MEGF11: variants seen among roughly 807,000 people sequenced by gnomAD.
MEGF11 encodes multiple EGF like domains 11.
Under a neutral mutation model 146.6 loss-of-function variants are expected in MEGF11, and 126 were observed. That is an observed-to-expected ratio of 0.86 (90% confidence interval 0.74 to 1.00). The LOEUF is 1.00. Ranked by LOEUF, MEGF11 falls within the 50% of genes least tolerant of loss-of-function variation. MEGF11 has a pLI of 0.00. For synonymous variants in MEGF11, 532 were observed against 583.4 expected (o/e 0.91, Z 1.27); for missense variants, 1,509 against 1,521.2 (o/e 0.99, Z 0.13).
At chr15:66,155,452 G>C (rs1222255441) in intron 1 of MEGF11, among the ~76,000 whole-genome samples, 2 of 152,118 alleles carry the variant, frequency 1.3e-5, no homozygotes, top group African/African-American at 4.8e-5. Context: ...AGAGGTGAAG[G>C]GCTCAGGTAG....
intron 1 of MEGF11, among the ~76,000 whole-genome samples, chr15:66,134,744 G>A (rs916791595): frequency 1.3e-5 from 2 of 152,276 alleles, no homozygotes; most frequent in African/African-American, 4.8e-5. Flanking sequence ...GAGCCCTCGA[G>A]AATCCCTGGA....
chr15:66,250,607 G>T (rs79430824), intron 1 of MEGF11, among the ~76,000 whole-genome samples: 3,799 of 152,298 alleles, frequency 0.025, 86 homozygotes, highest in Non-Finnish European at 0.04. Flanking sequence ...TAGAAGTTAT[G>T]GTTGGGAAGA....
chr15:65,965,545 A>G (rs1210023054), intron 8 of MEGF11, among the ~76,000 whole-genome samples: 5 of 140,758 alleles, frequency 3.6e-5, no homozygotes, highest in African/African-American at 1.3e-4. Flanking sequence ...CTTTCATAAA[A>G]GGGGCTGGAG....
At chr15:66,250,297 A>AC (rs1207770123) in intron 1 of MEGF11, among the ~76,000 whole-genome samples, 1 of 152,206 alleles carries the variant, frequency 6.6e-6, no homozygotes, top group Non-Finnish European at 1.5e-5. Flanking sequence ...CAACAGCGTC[A>AC]AATCTTTCAC....
chr15:65,921,475 T>C (rs1261057064), intron 15 of MEGF11, among the ~76,000 whole-genome samples: 1 of 152,212 alleles, frequency 6.6e-6, no homozygotes, highest in Non-Finnish European at 1.5e-5. Flanking sequence ...CTACACAGAA[T>C]GCTTTTCTTC....
intron 1 of MEGF11, among the ~76,000 whole-genome samples, chr15:66,231,439 C>T (rs2091965975): frequency 6.6e-6 from 1 of 151,508 alleles, no homozygotes; most frequent in Non-Finnish European, 1.5e-5. Context: ...GCCAAGAAGG[C>T]ACATGAGGCC....
chr15:66,226,628 A>C (rs774458136), intron 1 of MEGF11, among the ~76,000 whole-genome samples: 1 of 152,208 alleles, frequency 6.6e-6, no homozygotes, highest in Non-Finnish European at 1.5e-5. Flanking sequence ...TTTTATTATC[A>C]GTTATTGTTA....
Position 66,037,728 on chromosome 15 carries a change from T to C in MEGF11, c.395-55240A>G, listed in dbSNP as rs577188108. Among the ~76,000 whole-genome samples, 9 of 152,332 alleles carry C rather than the reference T, an allele frequency of 5.9e-5. No individual in the cohort carries two copies. In the East Asian group the frequency reaches 1.7e-3, roughly 29 times the overall value. On this transcript the variant is annotated intron_variant, in intron 5 of 25. Coordinates refer to ENST00000395614, the MANE Select transcript of MEGF11 (RefSeq NM_001385028.1). ...CTCGGCAGGCAGGAGTTTATTTCCC[T>C]TATTAGACTAGATTTTCCCTAGGAA...
intron 5 of MEGF11, among the ~76,000 whole-genome samples, chr15:65,986,986 G>A (rs1345613110): frequency 1.3e-5 from 2 of 151,524 alleles, no homozygotes; most frequent in African/African-American, 2.4e-5. Context: ...GCTACTGGGG[G>A]CTGAAGGGCA....
intron 5 of MEGF11, among the ~76,000 whole-genome samples, chr15:66,060,626 C>T (rs917002591): frequency 6.6e-6 from 1 of 152,246 alleles, no homozygotes; most frequent in Non-Finnish European, 1.5e-5. Context: ...TGGGACCCCC[C>T]AAGGCACTTG....
chr15:66,100,954 G>C (rs1043508027), intron 4 of MEGF11, among the ~76,000 whole-genome samples: 6 of 148,282 alleles, frequency 4.0e-5, no homozygotes, highest in Non-Finnish European at 9.0e-5. Flanking sequence ...GCCAGTGAGT[G>C]AGTGGGTGAA....
intron 5 of MEGF11, among the ~76,000 whole-genome samples, chr15:66,076,619 T>A (rs2085597102): frequency 6.6e-6 from 1 of 152,112 alleles, no homozygotes; most frequent in Non-Finnish European, 1.5e-5. Context: ...GTGGAGGGCA[T>A]GGCTGCTCCT....
intron 21 of MEGF11, among the ~76,000 whole-genome samples, 164 bp downstream of exon 21, chr15:65,911,918 A>T (rs1162367492): frequency 6.6e-6 from 1 of 152,146 alleles, no homozygotes; most frequent in Non-Finnish European, 1.5e-5. Flanking sequence ...TGCCTCACAG[A>T]GTGTTTACGT....
chr15:65,912,121 G>A lies in MEGF11; in HGVS notation c.2790C>T (p.Thr930=). The change falls in exon 21 of 26, where the codon ACC becomes ACT. Residue 930 remains threonine, a synonymous_variant. Coordinates refer to ENST00000395614, the MANE Select transcript of MEGF11 (RefSeq NM_001385028.1). ...TCCTGTCCAGAGTGCTGGCCTGGCT[G>A]GTGGCAGGCCCCCCACATGCCAGTG... ...YHALACGGPA[T]SQASTLDRNS... 8.1e-7 allele frequency: 1 copy of A among 1,232,162 alleles called. No individual in the cohort carries two copies. Among genetic ancestry groups the A allele is most frequent in the Non-Finnish European group, 1.0e-6 (1 of 988,012 alleles). 76.3% of individuals were successfully genotyped at this position (1,232,162 alleles called of 1,614,324 possible). A position where few individuals can be genotyped will look rare whatever the true frequency, so the allele number is the denominator to read the frequency against.
At chr15:66,203,088 A>AGT (rs2091209325) in intron 1 of MEGF11, among the ~76,000 whole-genome samples, 1 of 152,070 alleles carries the variant, frequency 6.6e-6, no homozygotes, top group Non-Finnish European at 1.5e-5. Flanking sequence ...TGGACTCACA[A>AGT]AAGTCAGCCC....
intron 21 of MEGF11, 95 bp downstream of exon 21, chr15:65,911,987 C>T: frequency 1.7e-6 from 1 of 597,914 alleles, no homozygotes; most frequent in Non-Finnish European, 2.4e-6. Context: ...CATGGACCCT[C>T]CATGTGGCGG....
chr15:65,918,454 CCTT>C (rs1270685648), intron 15 of MEGF11, among the ~76,000 whole-genome samples: 1 of 152,256 alleles, frequency 6.6e-6, no homozygotes. Context: ...TGTTCCACAG[CCTT>C]CTGCTTTCTA....
intron 1 of MEGF11, among the ~76,000 whole-genome samples, chr15:66,186,707 G>A (rs1311912699): frequency 6.6e-6 from 1 of 152,240 alleles, no homozygotes; most frequent in Non-Finnish European, 1.5e-5. Context: ...GGAATCAAAT[G>A]CAGAGGCAAA....
intron 5 of MEGF11, among the ~76,000 whole-genome samples, chr15:66,006,089 T>G (rs1343685317): frequency 6.6e-6 from 1 of 152,124 alleles, no homozygotes; most frequent in East Asian, 1.9e-4. Context: ...ATCTGCAAAA[T>G]GGAGACAATA....
Sources: allele counts gnomAD v4.1 joint callset (sites outside exome capture counted in the v4.1 genomes callset), GRCh38; gene constraint gnomAD v4.1.1; transcripts MANE v1.5; gene names NCBI Gene and HGNC (gene_info 2026-07-23, HGNC 2026-07-21).